The following MINDY3 variants were observed in gnomAD, a reference collection of about 807,000 sequenced individuals.
MINDY3 encodes ubiquitin carboxyl-terminal hydrolase MINDY-3.
MINDY3 carries 38 observed loss-of-function variants against 69.2 expected under a neutral mutation model. The ratio of observed to expected loss-of-function variants is 0.55; its 90% confidence interval spans 0.42 to 0.72. The LOEUF is 0.72. MINDY3 is among the 30% of genes least tolerant of loss of function. The pLI, the probability that MINDY3 is intolerant of heterozygous loss-of-function variation, is 0.00. For missense variants in MINDY3, 522 were observed against 519.0 expected (o/e 1.01, Z -0.06); for synonymous variants, 192 against 180.1 (o/e 1.07, Z -0.53).
intron 8 of MINDY3, 44 bp downstream of exon 8, chr10:15,833,586 A>G: frequency 1.7e-6 from 2 of 1,209,830 alleles, no homozygotes; most frequent in East Asian, 2.3e-5. Context: ...TTCCAATGAA[A>G]TATTATTCAT....
intron 10 of MINDY3, among the ~76,000 whole-genome samples, chr10:15,797,219 A>T (rs1226877303): frequency 6.6e-6 from 1 of 152,108 alleles, no homozygotes. Flanking sequence ...TGAAAACCTT[A>T]TTTATAAAAA....
At chr10:15,794,624 T>A in intron 11 of MINDY3, among the ~76,000 whole-genome samples, 1 of 152,054 alleles carries the variant, frequency 6.6e-6, no homozygotes, top group East Asian at 1.9e-4. Context: ...TTCATATGCA[T>A]CTCTCACAAC....
intron 10 of MINDY3, among the ~76,000 whole-genome samples, chr10:15,805,000 A>T (rs1324878224): frequency 6.6e-6 from 1 of 152,178 alleles, no homozygotes; most frequent in African/African-American, 2.4e-5. Context: ...CAGCCCTCTG[A>T]CGTTCTTCCT....
At chr10:15,784,696 C>T (rs1836817830) in intron 13 of MINDY3, among the ~76,000 whole-genome samples, 2 of 152,166 alleles carry the variant, frequency 1.3e-5, no homozygotes. Context: ...GAGATCGTGC[C>T]ACTGCACTCC....
intron 10 of MINDY3, among the ~76,000 whole-genome samples, chr10:15,801,717 C>G (rs1838271476): frequency 6.6e-6 from 1 of 152,044 alleles, no homozygotes; most frequent in African/African-American, 2.4e-5. Context: ...GGTAGGATTA[C>G]AGTACTGAAG....
intron 8 of MINDY3, among the ~76,000 whole-genome samples, chr10:15,831,966 G>T (rs1011076279): frequency 6.6e-6 from 1 of 152,098 alleles, no homozygotes; most frequent in Non-Finnish European, 1.5e-5. Context: ...ATGAGCCACC[G>T]TGCCCGGACA....
intron 8 of MINDY3, among the ~76,000 whole-genome samples, chr10:15,829,446 C>A (rs1006157125): frequency 6.6e-6 from 1 of 152,118 alleles, no homozygotes; most frequent in Non-Finnish European, 1.5e-5. Flanking sequence ...TAAATTTCTC[C>A]TAGTTAATCG....
At chr10:15,813,285 T>TTCTCA (rs1839135432) in intron 10 of MINDY3, among the ~76,000 whole-genome samples, 1 of 152,178 alleles carries the variant, frequency 6.6e-6, no homozygotes, top group Non-Finnish European at 1.5e-5. Flanking sequence ...TTTCAGTTTG[T>TTCTCA]TCTCACCCAA....
At chr10:15,827,299 T>C (rs918607674) in intron 8 of MINDY3, among the ~76,000 whole-genome samples, 2 of 151,864 alleles carry the variant, frequency 1.3e-5, no homozygotes, top group Non-Finnish European at 2.9e-5. Flanking sequence ...CTCAGCACTT[T>C]GGAAGGCCGA....
chr10:15,802,295 G>A (rs1387650059), intron 10 of MINDY3, among the ~76,000 whole-genome samples: 2 of 152,014 alleles, frequency 1.3e-5, no homozygotes, highest in African/African-American at 2.4e-5. Flanking sequence ...ACCTGAGGTG[G>A]GGTAATTTAT....
At chr10:15,831,057 G>C (rs965521586) in intron 8 of MINDY3, among the ~76,000 whole-genome samples, 3 of 152,162 alleles carry the variant, frequency 2.0e-5, no homozygotes, top group African/African-American at 7.2e-5. Flanking sequence ...AAGACAACTT[G>C]AGATTCTAAA....
intron 10 of MINDY3, among the ~76,000 whole-genome samples, chr10:15,806,596 TTTACA>T (rs1838656428): frequency 6.6e-6 from 1 of 152,192 alleles, no homozygotes. Context: ...ATGAATTTGC[TTTACA>T]TTCATGCCAC....
At chr10:15,820,040 T>C (rs1839649006) in intron 9 of MINDY3, among the ~76,000 whole-genome samples, 1 of 152,208 alleles carries the variant, frequency 6.6e-6, no homozygotes, top group African/African-American at 2.4e-5. Flanking sequence ...TTCCAGAGTC[T>C]ATATTCCATT....
intron 8 of MINDY3, among the ~76,000 whole-genome samples, chr10:15,823,516 T>C (rs2132012388): frequency 6.6e-6 from 1 of 152,320 alleles, no homozygotes; most frequent in African/African-American, 2.4e-5. Flanking sequence ...TCCTTAATTT[T>C]TGTTAAGTTT....
At chr10:15,854,442 A>C (rs1010984202) in intron 1 of MINDY3, among the ~76,000 whole-genome samples, 7 of 152,150 alleles carry the variant, frequency 4.6e-5, no homozygotes, top group African/African-American at 1.7e-4. Context: ...AAACAATGCC[A>C]AGAGTCTCAC....
chr10:15,807,959 T>TTAAAAATGAAA (rs1838747165), intron 10 of MINDY3, among the ~76,000 whole-genome samples: 1 of 152,190 alleles, frequency 6.6e-6, no homozygotes, highest in African/African-American at 2.4e-5. Flanking sequence ...TGAAAAGCTT[T>TTAAAAATGAAA]AGTATTATTG....
chr10:15,825,514 CTGAT>C (rs1294865281), intron 8 of MINDY3, among the ~76,000 whole-genome samples: 1 of 152,196 alleles, frequency 6.6e-6, no homozygotes, highest in African/African-American at 2.4e-5. Context: ...CCCAGCCTAA[CTGAT>C]TATCTTATAT....
intron 10 of MINDY3, among the ~76,000 whole-genome samples, chr10:15,813,314 CCTT>C (rs1839137521): frequency 6.6e-6 from 1 of 152,282 alleles, no homozygotes; most frequent in South Asian, 2.1e-4. Flanking sequence ...GTCTGTCTGT[CCTT>C]CTTTCTTCAG....
At chr10:15,855,455 T>C (rs975375682) in intron 1 of MINDY3, among the ~76,000 whole-genome samples, 4 of 151,224 alleles carry the variant, frequency 2.6e-5, no homozygotes, top group Non-Finnish European at 5.9e-5. Context: ...TTACCATAAA[T>C]GGCCGTTTTT....
Sources: gnomAD v4.1 joint callset for allele counts (sites outside exome capture counted in the v4.1 genomes callset) on GRCh38, gnomAD v4.1.1 for gene constraint, MANE v1.5 for transcripts, NCBI Gene and HGNC (gene_info 2026-07-23, HGNC 2026-07-21) for gene names.